ILDR1: variants seen among roughly 807,000 people sequenced by gnomAD.
ILDR1 encodes immunoglobulin-like domain-containing receptor 1.
A neutral mutation model predicts 62.4 loss-of-function variants in ILDR1; 56 were observed. That is an observed-to-expected ratio of 0.90 (90% CI 0.72 to 1.12). ILDR1 has a LOEUF of 1.12. ILDR1 is among the 50% of genes most tolerant of loss of function. The probability of loss-of-function intolerance (pLI) is 0.00; values close to 1 mark genes in which losing one functional copy is unlikely to be tolerated. For synonymous variants in ILDR1, 284 were observed against 277.8 expected (o/e 1.02, Z -0.22); for missense variants, 736 against 710.6 (o/e 1.04, Z -0.41).
At chr3:122,037,240 C>T in the ILDR1 span, among the ~76,000 whole-genome samples, 1 of 152,172 alleles carries the variant, frequency 6.6e-6, no homozygotes. Flanking sequence ...TCCCAGACCC[C>T]AGAATGGTAG....
the ILDR1 span, among the ~76,000 whole-genome samples, chr3:122,027,848 G>A: frequency 6.6e-6 from 1 of 152,172 alleles, no homozygotes; most frequent in Non-Finnish European, 1.5e-5. Context: ...GGGGTTGTGA[G>A]TACCTCCAAT....
At chr3:122,038,025 A>G in the ILDR1 span, among the ~76,000 whole-genome samples, 1 of 151,580 alleles carries the variant, frequency 6.6e-6, no homozygotes, top group Admixed American at 6.6e-5. Flanking sequence ...TTCTACCATG[A>G]TTGTAAGTTT....
At chr3:122,059,603 G>A in the ILDR1 span, among the ~76,000 whole-genome samples, 3 of 151,984 alleles carry the variant, frequency 2.0e-5, no homozygotes, top group East Asian at 5.8e-4. Flanking sequence ...ATGCATTCAT[G>A]GAAAGAGCAT....
intron 7 of ILDR1, among the ~76,000 whole-genome samples, chr3:121,992,368 C>T (rs983997102): frequency 6.6e-6 from 1 of 152,176 alleles, no homozygotes; most frequent in South Asian, 2.1e-4. Context: ...GAACTCCTGA[C>T]CTCAGGTGAT....
At chr3:122,036,338 C>T in the ILDR1 span, among the ~76,000 whole-genome samples, 1 of 151,846 alleles carries the variant, frequency 6.6e-6, no homozygotes, top group South Asian at 2.1e-4. Flanking sequence ...GCCTGTAATC[C>T]CAGCACTTTG....
At position 121,994,235 on chromosome 3, in the gene ILDR1, G is replaced by A. The variant is rs201585253; in HGVS notation, c.725C>T (p.Ala242Val). 1.8e-4 allele frequency: 272 copies of A among 1,536,054 alleles called. No homozygotes were observed. The highest frequency in any genetic ancestry group is 4.2e-4 in the African/African-American group (31 of 73,136). ...AGATGAAACCTGGGAGCTCCTGTCC[G>A]CCCCCCAGTACAGGGGTTTTCCCAT... ...QMMGKPLYWG[A>V]DRSSQVSSYP... Residue 242 changes from alanine to valine, a missense_variant, in exon 6 of 8, where the codon GCG becomes GTG. Physicochemically the swap from Ala to Val is moderately conservative, Grantham distance 64 (BLOSUM62 0). Coordinates refer to ENST00000344209, the MANE Select transcript of ILDR1 (RefSeq NM_001199799.2).
chr3:122,022,195 CTCGG>C lies in ILDR1; in HGVS notation c.-122_-119del. ...AAGGAACCCCTCGGGTTTCCCCTCC[CTCGG>C]CGCAGCGGGGAGGGAGCGTCCGCTC... is the stretch of plus-strand genomic sequence containing the variant. On this transcript the variant is annotated 5_prime_UTR_variant, in exon 1 of 8. Coordinates refer to ENST00000344209, the MANE Select transcript of ILDR1 (RefSeq NM_001199799.2). The C allele has an allele frequency of 4.4e-6, 4 of 901,852 alleles. No individual in the cohort carries two copies. Among genetic ancestry groups the C allele is most frequent in the Non-Finnish European group, 6.7e-6 (4 of 593,752 alleles). 55.9% of individuals were successfully genotyped at this position (901,852 alleles called of 1,614,324 possible). A position where few individuals can be genotyped will look rare whatever the true frequency, so the allele number is the denominator to read the frequency against.
intron 5 of ILDR1, 95 bp from the exon 6 acceptor site, chr3:121,994,408 C>G (rs1278755616): frequency 7.2e-7 from 1 of 1,380,002 alleles, no homozygotes; most frequent in African/African-American, 1.5e-5. Context: ...TGCAAGAGGC[C>G]AGCTTCTCTT....
chr3:122,003,028 A>T (rs573044852), intron 3 of ILDR1, among the ~76,000 whole-genome samples: 7 of 152,320 alleles, frequency 4.6e-5, no homozygotes, highest in Admixed American at 6.5e-5. Flanking sequence ...TGGGTCCAGC[A>T]TTATGTCAGG....
intron 4 of ILDR1, 63 bp downstream of exon 4, chr3:122,001,682 T>C (rs199584285): frequency 6.7e-5 from 104 of 1,541,910 alleles, no homozygotes; most frequent in Non-Finnish European, 8.6e-5. Flanking sequence ...TTTTTTTTTT[T>C]CCTGTGAGTA....
intron 5 of ILDR1, among the ~76,000 whole-genome samples, chr3:121,998,598 C>A (rs757875296): frequency 3.0e-4 from 45 of 152,178 alleles, no homozygotes; most frequent in Non-Finnish European, 7.3e-5. Context: ...AAGTGGTGCA[C>A]TTATCATTTG....
intron 3 of ILDR1, 33 bp downstream of exon 3, chr3:122,005,211 C>CCCCCCTTG: frequency 4.8e-6 from 6 of 1,240,076 alleles, no homozygotes; most frequent in Non-Finnish European, 5.9e-6. Flanking sequence ...CTCCCCCCAC[C>CCCCCCTTG]CCCAGTTCCC....
At chr3:121,990,937 C>T (rs1426446364) in intron 7 of ILDR1, among the ~76,000 whole-genome samples, 1 of 152,216 alleles carries the variant, frequency 6.6e-6, no homozygotes, top group Non-Finnish European at 1.5e-5. Flanking sequence ...CACAGTGGCT[C>T]ATGCCTGTAA....
the ILDR1 span, among the ~76,000 whole-genome samples, chr3:122,045,361 G>A: frequency 6.6e-6 from 1 of 151,206 alleles, no homozygotes; most frequent in Non-Finnish European, 1.5e-5. Context: ...TTTGGAATAG[G>A]TGTGGTGTGG....
At chr3:122,043,129 C>A in the ILDR1 span, among the ~76,000 whole-genome samples, 2 of 131,786 alleles carry the variant, frequency 1.5e-5, no homozygotes, top group African/African-American at 6.0e-5. Flanking sequence ...CAGCTTTCTA[C>A]ATATGGCTAG....
Position 121,988,098 on chromosome 3 carries a change from AGACG to A in ILDR1, c.*265_*268del. On this transcript the variant is annotated 3_prime_UTR_variant, in exon 8 of 8. Coordinates refer to ENST00000344209, the MANE Select transcript of ILDR1 (RefSeq NM_001199799.2). ...TAACTAATTTTTATATTTTTTGTAG[AGACG>A]GGGTCTCACTATGTTTCCCAGGCTG... 2 of 510,034 alleles carry A rather than the reference AGACG, an allele frequency of 3.9e-6. No individual in the cohort carries two copies. Among genetic ancestry groups the A allele is most frequent in the Non-Finnish European group, 7.3e-6 (2 of 272,528 alleles). 31.6% of individuals were successfully genotyped at this position (510,034 alleles called of 1,614,324 possible). A position where few individuals can be genotyped will look rare whatever the true frequency, so the allele number is the denominator to read the frequency against.
At chr3:122,033,800 A>T in the ILDR1 span, among the ~76,000 whole-genome samples, 1 of 152,124 alleles carries the variant, frequency 6.6e-6, no homozygotes, top group Admixed American at 6.5e-5. Context: ...GTGACCATAC[A>T]TGTGTAAATC....
At chr3:122,003,625 G>C (rs117938241) in intron 3 of ILDR1, among the ~76,000 whole-genome samples, 10 of 152,140 alleles carry the variant, frequency 6.6e-5, no homozygotes, top group Non-Finnish European at 1.3e-4. Context: ...AAAAGTGTCA[G>C]AAAACAAGGG....
upstream of ILDR1, among the ~76,000 whole-genome samples, chr3:122,026,850 AG>A (rs1225259537): frequency 3.3e-5 from 5 of 152,250 alleles, no homozygotes; most frequent in African/African-American, 4.8e-5. Flanking sequence ...TAGAATTAAA[AG>A]GCTGAAAATG....
Sources: gnomAD v4.1 joint callset for allele counts (sites outside exome capture counted in the v4.1 genomes callset) on GRCh38, gnomAD v4.1.1 for gene constraint, MANE v1.5 for transcripts, NCBI Gene and HGNC (gene_info 2026-07-23, HGNC 2026-07-21) for gene names.